The following ERBB4 variants were observed in gnomAD, a reference collection of about 807,000 sequenced individuals.
The protein encoded by ERBB4 is receptor tyrosine-protein kinase erbB-4.
A neutral mutation model predicts 158.0 loss-of-function variants in ERBB4; 42 were observed. That is an observed-to-expected ratio of 0.27 (90% CI 0.21 to 0.34). The LOEUF is 0.34. ERBB4 is among the 10% of genes least tolerant of loss of function. The pLI, the probability that ERBB4 is intolerant of heterozygous loss-of-function variation, is 1.00. For missense variants in ERBB4, 1,333 were observed against 1,624.1 expected, an observed-to-expected ratio of 0.82 and a Z score of 3.08; for synonymous variants, 583 against 558.7, an observed-to-expected ratio of 1.04 and a Z score of -0.61.
intron 1 of ERBB4, among the ~76,000 whole-genome samples, chr2:212,310,409 A>G (rs1030505925): frequency 6.6e-6 from 1 of 150,706 alleles, no homozygotes. Context: ...TGATTAACCC[A>G]TGTTACTTCT....
intron 20 of ERBB4, among the ~76,000 whole-genome samples, chr2:211,457,880 G>C (rs1436619073): frequency 4.6e-5 from 7 of 152,198 alleles, no homozygotes; most frequent in Admixed American, 4.6e-4. Flanking sequence ...CCACAGGTTA[G>C]AGGAACCGCT....
intron 1 of ERBB4, among the ~76,000 whole-genome samples, chr2:212,344,878 A>G (rs532059768): frequency 6.6e-6 from 1 of 152,290 alleles, no homozygotes; most frequent in African/African-American, 2.4e-5. Context: ...ATTAAACTCT[A>G]AGACTCTTTT....
chr2:211,667,154 G>T (rs1280293441), intron 14 of ERBB4, among the ~76,000 whole-genome samples: 1 of 144,168 alleles, frequency 6.9e-6, no homozygotes, highest in Non-Finnish European at 1.5e-5. Flanking sequence ...CGAATTTGTG[G>T]TGGGCCACAC....
At chr2:212,480,275 C>T (rs1275673185) in intron 1 of ERBB4, among the ~76,000 whole-genome samples, 1 of 151,926 alleles carries the variant, frequency 6.6e-6, no homozygotes, top group African/African-American at 2.4e-5. Flanking sequence ...TGTATACTAT[C>T]AAGTACACTT....
intron 7 of ERBB4, among the ~76,000 whole-genome samples, chr2:211,713,866 C>A (rs1194563063): frequency 1.3e-5 from 2 of 152,138 alleles, no homozygotes; most frequent in Non-Finnish European, 2.9e-5. Flanking sequence ...TGCTTGGTTA[C>A]TGCTCCACAT....
chr2:211,964,018 C>T (rs924113914), intron 2 of ERBB4, among the ~76,000 whole-genome samples: 3 of 152,118 alleles, frequency 2.0e-5, no homozygotes, highest in Admixed American at 1.3e-4. Flanking sequence ...TTGTGATGAA[C>T]TCTTTAGTTA....
At chr2:212,155,246 T>C (rs2080997859) in intron 1 of ERBB4, among the ~76,000 whole-genome samples, 1 of 152,094 alleles carries the variant, frequency 6.6e-6, no homozygotes, top group South Asian at 2.1e-4. Flanking sequence ...ACACAAAATA[T>C]TCTATGCACA....
chr2:212,229,300 A>G (rs2083584055), intron 1 of ERBB4, among the ~76,000 whole-genome samples: 1 of 152,206 alleles, frequency 6.6e-6, no homozygotes. Flanking sequence ...TCATTCAAAT[A>G]AAAAACAAAA....
chr2:211,997,741 GAA>G (rs1468010476), intron 2 of ERBB4, among the ~76,000 whole-genome samples: 1 of 151,822 alleles, frequency 6.6e-6, no homozygotes, highest in African/African-American at 2.4e-5. Context: ...CTGAGCCACA[GAA>G]AAAACCATGT....
In ERBB4 at chr2:212,011,536, A is replaced by T. The variant is rs958606146; in HGVS notation, c.235-63920T>A. The stretch of plus-strand genomic sequence containing the variant: ...GAGGCTGAGACGGGTGGATCACCTG[A>T]GGTCATGAGTTCAAGACCAGCCTGG... On this transcript the variant is annotated intron_variant, in intron 2 of 27. Coordinates refer to ENST00000342788, the MANE Select transcript of ERBB4 (RefSeq NM_005235.3). Among the ~76,000 whole-genome samples, 3 of 152,032 alleles carry T rather than the reference A, an allele frequency of 2.0e-5. No individual in the cohort carries two copies. The East Asian group carries it at 5.8e-4, about 29-fold the overall frequency.
chr2:212,292,897 C>A (rs551057315), intron 1 of ERBB4, among the ~76,000 whole-genome samples: 6 of 152,024 alleles, frequency 3.9e-5, no homozygotes, highest in Admixed American at 2.6e-4. Flanking sequence ...TTTCAGTTTT[C>A]AAATGCAAGG....
At chr2:211,683,521 C>G (rs1484944348) in intron 12 of ERBB4, among the ~76,000 whole-genome samples, 1 of 151,988 alleles carries the variant, frequency 6.6e-6, no homozygotes, top group African/African-American at 2.4e-5. Flanking sequence ...TTGTTTGTTT[C>G]TTTTTATTGA....
intron 16 of ERBB4, among the ~76,000 whole-genome samples, chr2:211,633,034 A>T (rs1232802579): frequency 6.6e-6 from 1 of 152,120 alleles, no homozygotes; most frequent in Admixed American, 6.5e-5. Flanking sequence ...AACCACAAAC[A>T]AGCAACCAGT....
intron 16 of ERBB4, among the ~76,000 whole-genome samples, chr2:211,637,133 T>C (rs2070392068): frequency 6.6e-6 from 1 of 151,972 alleles, no homozygotes; most frequent in African/African-American, 2.4e-5. Context: ...CTATCTTTCT[T>C]CTGAAAATCT....
chr2:211,774,641 G>C (rs1230335180), intron 4 of ERBB4, among the ~76,000 whole-genome samples: 2 of 152,150 alleles, frequency 1.3e-5, no homozygotes, highest in African/African-American at 4.8e-5. Flanking sequence ...ATGTCACTGG[G>C]CAGGCAGTGC....
At chr2:212,226,914 C>T (rs553635461) in intron 1 of ERBB4, among the ~76,000 whole-genome samples, 1 of 152,166 alleles carries the variant, frequency 6.6e-6, no homozygotes, top group African/African-American at 2.4e-5. Context: ...TATGAGGGAA[C>T]CTAGTTCCCA....
At chr2:212,472,535 A>C (rs73063150) in intron 1 of ERBB4, among the ~76,000 whole-genome samples, 1 of 148,326 alleles carries the variant, frequency 6.7e-6, no homozygotes, top group Non-Finnish European at 1.5e-5. Context: ...GTTCCATATT[A>C]AAAAAAAAAC....
At chr2:211,476,773 C>G (rs944562646) in intron 20 of ERBB4, among the ~76,000 whole-genome samples, 3 of 152,036 alleles carry the variant, frequency 2.0e-5, no homozygotes, top group Non-Finnish European at 4.4e-5. Flanking sequence ...TTTGATTGTG[C>G]CTCTAGATCC....
At position 211,641,812 on chromosome 2, in the gene ERBB4, T is replaced by C. The variant is rs1046189082; in HGVS notation, c.1947-11218A>G. Among the ~76,000 whole-genome samples, 55 of 152,238 alleles carry C rather than the reference T, an allele frequency of 3.6e-4. 1 individual carries two copies. The highest frequency in any genetic ancestry group is 1.6e-3 in the Admixed American group (25 of 15,270). ...TTTCAAGAATATTTGTTTTTAGTAC[T>C]TATGTGTCTTAGACACTACTAGACC... On this transcript the variant is annotated intron_variant, in intron 16 of 27. Transcript: ENST00000342788.
Sources: gnomAD v4.1 joint callset for allele counts (sites outside exome capture counted in the v4.1 genomes callset) on GRCh38, gnomAD v4.1.1 for gene constraint, MANE v1.5 for transcripts, NCBI Gene and HGNC (gene_info 2026-07-23, HGNC 2026-07-21) for gene names.